Variants in MYRIP observed in about 807,000 individuals in gnomAD.
The protein encoded by MYRIP is rab effector MyRIP.
Under a neutral mutation model 98.0 loss-of-function variants are expected in MYRIP, and 49 were observed. That is an observed-to-expected ratio of 0.50 (90% confidence interval 0.40 to 0.63). The LOEUF is 0.63. MYRIP is among the 30% of genes least tolerant of loss of function. MYRIP has a pLI of 0.00. For missense variants in MYRIP, 1,004 were observed against 1,058.2 expected (o/e 0.95, Z 0.71); for synonymous variants, 404 against 409.5 (o/e 0.99, Z 0.16).
intron 1 of MYRIP, among the ~76,000 whole-genome samples, chr3:39,890,003 C>A (rs1943442644): frequency 6.6e-6 from 1 of 151,958 alleles, no homozygotes; most frequent in Admixed American, 6.6e-5. Context: ...TTTTAAAAAT[C>A]AGTTTTCCTT....
chr3:40,170,237 T>A, intron 8 of MYRIP, 144 bp downstream of exon 8: 1 of 1,048,044 alleles, frequency 9.5e-7, no homozygotes, highest in Middle Eastern at 3.2e-4. Context: ...AGAAAGTGAG[T>A]GTGAGTCGGG....
At chr3:40,154,055 G>A (rs139079498) in intron 4 of MYRIP, among the ~76,000 whole-genome samples, 4 of 151,678 alleles carry the variant, frequency 2.6e-5, no homozygotes, top group Admixed American at 6.6e-5. Context: ...CAGAGGAATC[G>A]CTTGAACCTG....
At chr3:40,098,591 G>T (rs1306326874) in intron 3 of MYRIP, among the ~76,000 whole-genome samples, 1 of 152,168 alleles carries the variant, frequency 6.6e-6, no homozygotes, top group Non-Finnish European at 1.5e-5. Context: ...CTCACAGAGG[G>T]AAGCTAGTGC....
intron 3 of MYRIP, among the ~76,000 whole-genome samples, chr3:40,088,489 A>G (rs548036204): frequency 6.6e-6 from 1 of 151,648 alleles, no homozygotes; most frequent in Non-Finnish European, 1.5e-5. Flanking sequence ...ATATTGGCCC[A>G]GTGCCTGCTC....
intron 1 of MYRIP, among the ~76,000 whole-genome samples, chr3:39,887,068 A>G (rs1387604766): frequency 6.6e-6 from 1 of 152,040 alleles, no homozygotes; most frequent in East Asian, 1.9e-4. Context: ...TGGAAACTGA[A>G]CAACCTGCTC....
intron 1 of MYRIP, among the ~76,000 whole-genome samples, chr3:39,841,239 G>C (rs948718837): frequency 6.6e-6 from 1 of 151,786 alleles, no homozygotes; most frequent in Admixed American, 6.6e-5. Flanking sequence ...TCTTCTGCTT[G>C]ATCAATTTGG....
chr3:39,824,007 A>G (rs12636199), intron 1 of MYRIP, among the ~76,000 whole-genome samples: 4,255 of 152,148 alleles, frequency 0.028, 191 homozygotes, highest in East Asian at 0.23. Flanking sequence ...TTAGATCTTT[A>G]ATCCATTTTG....
At chr3:39,818,257 T>G (rs1940985745) in intron 1 of MYRIP, among the ~76,000 whole-genome samples, 1 of 152,230 alleles carries the variant, frequency 6.6e-6, no homozygotes, top group Non-Finnish European at 1.5e-5. Context: ...GTTTATAAAT[T>G]TATCTTGCCA....
In MYRIP at chr3:39,974,842, T is replaced by A. The variant is rs533743957; in HGVS notation, c.111-69208T>A. Among the ~76,000 whole-genome samples the A allele has an allele frequency of 6.6e-5, 10 of 151,926 alleles. 1 individual carries two copies. In the South Asian group the frequency reaches 2.1e-3, roughly 32 times the overall value. ...GATGCAGAAAAGGCCTTCGAAAAAATTCAACAACCCTTCATGCTAAAAACT... is the reference window on the plus strand; with the variant it reads ...GATGCAGAAAAGGCCTTCGAAAAAAATCAACAACCCTTCATGCTAAAAACT... On this transcript the variant is annotated intron_variant, in intron 2 of 16. Transcript: ENST00000302541.
At chr3:39,890,346 T>A (rs896089355) in intron 1 of MYRIP, among the ~76,000 whole-genome samples, 1 of 152,116 alleles carries the variant, frequency 6.6e-6, no homozygotes, top group Non-Finnish European at 1.5e-5. Context: ...CCATGTCATA[T>A]TTTATCATTT....
intron 2 of MYRIP, among the ~76,000 whole-genome samples, chr3:39,948,257 C>T (rs979248906): frequency 6.6e-6 from 1 of 152,050 alleles, no homozygotes; most frequent in African/African-American, 2.4e-5. Flanking sequence ...AGGAACATAC[C>T]CTCATCCTGG....
At chr3:40,143,086 GCA>G (rs1263604166) in intron 3 of MYRIP, among the ~76,000 whole-genome samples, 9 of 152,300 alleles carry the variant, frequency 5.9e-5, no homozygotes, top group African/African-American at 1.4e-4. Context: ...GACTCATCTA[GCA>G]CTCTTTGAAC....
chr3:40,192,155 C>T lies in MYRIP; in HGVS notation c.1665+1692C>T, dbSNP rs188455969. On this transcript the variant is annotated intron_variant, in intron 10 of 16. Coordinates refer to ENST00000302541, the MANE Select transcript of MYRIP (RefSeq NM_015460.4). The stretch of plus-strand genomic sequence containing the variant: ...TCATTATTTTTAATGCAGAGTCTCA[C>T]TGTGTTGCCCAGGCTGGTCTCAAGC... Among the ~76,000 whole-genome samples the T allele has an allele frequency of 5.4e-3, 816 of 149,770 alleles. 4 individuals are homozygous for T. The highest frequency in any genetic ancestry group is 7.8e-3 in the Non-Finnish European group (528 of 67,524).
At chr3:40,181,806 T>C (rs989601685) in intron 8 of MYRIP, among the ~76,000 whole-genome samples, 21 of 152,316 alleles carry the variant, frequency 1.4e-4, no homozygotes, top group Admixed American at 2.6e-4. Context: ...TATGTTGTAA[T>C]AGTCCTGTGC....
intron 2 of MYRIP, among the ~76,000 whole-genome samples, chr3:39,972,871 G>T (rs1413445510): frequency 2.0e-5 from 3 of 151,428 alleles, no homozygotes; most frequent in Admixed American, 2.0e-4. Flanking sequence ...TCCATGCCCT[G>T]CAAGTCTTGA....
chr3:40,123,065 C>T (rs879492637), intron 3 of MYRIP, among the ~76,000 whole-genome samples: 9 of 152,060 alleles, frequency 5.9e-5, no homozygotes, highest in Non-Finnish European at 1.2e-4. Flanking sequence ...ATCTAATTTA[C>T]AAAAAGCAGC....
intron 4 of MYRIP, among the ~76,000 whole-genome samples, chr3:40,158,012 C>T (rs997267580): frequency 3.9e-5 from 6 of 151,974 alleles, no homozygotes; most frequent in South Asian, 2.1e-4. Flanking sequence ...CTGCTCTGAT[C>T]TTAGTTATTT....
At chr3:40,114,240 A>C (rs538511288) in intron 3 of MYRIP, among the ~76,000 whole-genome samples, 1 of 152,210 alleles carries the variant, frequency 6.6e-6, no homozygotes, top group Non-Finnish European at 1.5e-5. Context: ...TAGGTACACA[A>C]ATACTTACAT....
intron 3 of MYRIP, among the ~76,000 whole-genome samples, chr3:40,077,002 T>C (rs1014334840): frequency 7.2e-5 from 11 of 152,188 alleles, no homozygotes; most frequent in Admixed American, 7.2e-4. Flanking sequence ...GGGTTCTTGG[T>C]CTCACTGACT....
Sources: allele counts gnomAD v4.1 joint callset (sites outside exome capture counted in the v4.1 genomes callset), GRCh38; gene constraint gnomAD v4.1.1; transcripts MANE v1.5; gene names NCBI Gene and HGNC (gene_info 2026-07-23, HGNC 2026-07-21).